Variants in UBXN2B observed in about 807,000 individuals in gnomAD.
UBXN2B encodes UBX domain-containing protein 2B.
A neutral mutation model predicts 37.5 loss-of-function variants in UBXN2B; 19 were observed. The observed-to-expected ratio is 0.51, with a 90% CI of 0.35 to 0.74. The LOEUF is 0.74. Among genes scored for constraint, UBXN2B ranks in the 30% least tolerant of loss-of-function variants. UBXN2B has a pLI of 0.01. For missense variants in UBXN2B, 370 were observed against 393.2 expected (o/e 0.94, Z 0.50); for synonymous variants, 145 against 143.8 (o/e 1.01, Z -0.06).
intron 5 of UBXN2B, among the ~76,000 whole-genome samples, chr8:58,437,116 C>CAA (rs1808431341): frequency 6.6e-6 from 1 of 151,984 alleles, no homozygotes. Context: ...TGGTTGTGAC[C>CAA]AAAGTATTGA....
chr8:58,444,891 G>T (rs139662221), intron 6 of UBXN2B, among the ~76,000 whole-genome samples: 7 of 152,302 alleles, frequency 4.6e-5, no homozygotes, highest in African/African-American at 1.7e-4. Context: ...TACTCTGAGA[G>T]AGAAGCTTTT....
intron 2 of UBXN2B, among the ~76,000 whole-genome samples, chr8:58,421,617 C>T (rs1003584982): frequency 3.3e-5 from 5 of 152,212 alleles, no homozygotes; most frequent in African/African-American, 4.8e-5. Context: ...GGCTCTCTCA[C>T]TTCCTCAGCA....
In UBXN2B at chr8:58,448,988, C is replaced by G. The variant is rs1271469650; in HGVS notation, c.*1437C>G. On this transcript the variant is annotated 3_prime_UTR_variant, in exon 8 of 8. Coordinates refer to ENST00000399598, the MANE Select transcript of UBXN2B (RefSeq NM_001077619.2). ...ACAGGAGAATCATTTCCTTGTCATT[C>G]CACCTTCTACAGGACATCCTCATTC... The G allele has an allele frequency of 1.3e-5, 2 of 152,158 alleles. No individual in the cohort carries two copies. Among genetic ancestry groups the G allele is most frequent in the Non-Finnish European group, 2.9e-5 (2 of 68,058 alleles). The allele number at this position is 152,158 out of a possible 1,614,324, so 9.4% of individuals were successfully genotyped here. A position where few individuals can be genotyped will look rare whatever the true frequency, so the allele number is the denominator to read the frequency against.
intron 2 of UBXN2B, chr8:58,426,785 C>T: frequency 1.6e-6 from 1 of 612,868 alleles, no homozygotes; most frequent in Non-Finnish European, 3.1e-6. Flanking sequence ...CGCTCGGGAC[C>T]AGATGCGGGG....
intron 6 of UBXN2B, among the ~76,000 whole-genome samples, chr8:58,440,451 A>G (rs1236599025): frequency 6.6e-6 from 1 of 152,238 alleles, no homozygotes; most frequent in Admixed American, 6.5e-5. Context: ...GAAAGAAGGC[A>G]TTGTATCTGA....
rs201070829 is a variant in UBXN2B at position 58,434,370 on chromosome 8, T to TA, written c.424-25_424-24insA. ...GTGAATATATATATATATATATATA[T>TA]TTTTTTTTTTTCTATACCCAAAAGG... is the stretch of plus-strand genomic sequence containing the variant. On this transcript the variant is annotated intron_variant, in intron 4 of 7. Transcript: ENST00000399598. 4.9e-3 allele frequency: 1,173 copies of TA among 240,444 alleles called. 5 individuals are homozygous for TA. The East Asian group carries it at 0.054, about 11-fold the overall frequency. 14.9% of individuals were successfully genotyped at this position (240,444 alleles called of 1,614,324 possible).
chr8:58,422,141 T>C (rs1239417320), intron 2 of UBXN2B, among the ~76,000 whole-genome samples: 7 of 152,258 alleles, frequency 4.6e-5, no homozygotes, highest in African/African-American at 1.4e-4. Flanking sequence ...TCTTTTTCTT[T>C]ACAAGTTTTA....
intron 2 of UBXN2B, chr8:58,424,939 A>C (rs1017301020): frequency 2.3e-6 from 1 of 429,658 alleles, no homozygotes; most frequent in Non-Finnish European, 4.2e-6. Flanking sequence ...CTCTCTGTTG[A>C]TGTCAGTCAG....
chr8:58,417,431 T>C (rs1170854393), intron 2 of UBXN2B, among the ~76,000 whole-genome samples: 1 of 152,216 alleles, frequency 6.6e-6, no homozygotes, highest in Non-Finnish European at 1.5e-5. Context: ...TTTAAGAATC[T>C]ATGATTTTTG....
chr8:58,416,704 C>A, intron 1 of UBXN2B, 146 bp from the exon 2 acceptor site: 2 of 534,606 alleles, frequency 3.7e-6, no homozygotes, highest in Non-Finnish European at 6.1e-6. Flanking sequence ...AAGTTTATTT[C>A]AGAAAGGAAT....
At chr8:58,425,052 C>G in intron 2 of UBXN2B, 1 of 782,914 alleles carries the variant, frequency 1.3e-6, no homozygotes, top group Non-Finnish European at 2.4e-6. Context: ...GGTGCACCTC[C>G]TCCAGGAAGT....
rs1310987313 is a variant in UBXN2B at position 58,433,219 on chromosome 8, C to A, written c.399C>A (p.Ile133=). ...CTTTTTGTAAGCGGTCTGAATATATCTATGGAGAAAATCAGCTGCAAGATG... is the reference window on the plus strand; with the variant it reads ...CTTTTTGTAAGCGGTCTGAATATATATATGGAGAAAATCAGCTGCAAGATG... ...GSSFCKRSEY[I]YGENQLQDVQ... Residue 133 remains isoleucine, a synonymous_variant, in exon 4 of 8, where the codon ATC becomes ATA. Coordinates refer to ENST00000399598, the MANE Select transcript of UBXN2B (RefSeq NM_001077619.2). The A allele has an allele frequency of 1.2e-6, 2 of 1,611,374 alleles. No homozygotes were observed. The highest frequency in any genetic ancestry group is 1.7e-6 in the Non-Finnish European group (2 of 1,178,672).
At chr8:58,424,144 A>G (rs1054109538) in intron 2 of UBXN2B, among the ~76,000 whole-genome samples, 1 of 151,512 alleles carries the variant, frequency 6.6e-6, no homozygotes, top group African/African-American at 2.4e-5. Flanking sequence ...CTTTTCTAAG[A>G]TGTTGTTACT....
intron 1 of UBXN2B, 121 bp downstream of exon 1, chr8:58,411,590 G>A (rs1807639227): frequency 1.2e-6 from 1 of 844,954 alleles, no homozygotes; most frequent in Non-Finnish European, 1.6e-6. Flanking sequence ...CCCGTCTGGG[G>A]ATAGAATCCG....
intron 2 of UBXN2B, chr8:58,424,671 G>A: frequency 8.3e-7 from 1 of 1,199,522 alleles, no homozygotes. Context: ...GCACAGCGTG[G>A]AGTTGGAGTA....
chr8:58,446,760 C>T (rs998158042), intron 7 of UBXN2B, among the ~76,000 whole-genome samples: 2 of 114,120 alleles, frequency 1.8e-5, no homozygotes, highest in African/African-American at 3.4e-5. Flanking sequence ...TTTTATACTC[C>T]GAAAAAAGTA....
At chr8:58,424,668 G>A (rs2033142) in intron 2 of UBXN2B, 22 of 1,238,918 alleles carry the variant, frequency 1.8e-5, no homozygotes, top group South Asian at 1.1e-4. Context: ...TCTGCACAGC[G>A]TGGAGTTGGA....
intron 5 of UBXN2B, among the ~76,000 whole-genome samples, chr8:58,438,993 G>A (rs1307487682): frequency 1.3e-5 from 2 of 152,114 alleles, no homozygotes; most frequent in Non-Finnish European, 2.9e-5. Flanking sequence ...TCACTCAAGA[G>A]CTGGTTGTTT....
intron 5 of UBXN2B, chr8:58,434,990 T>G: frequency 5.2e-6 from 8 of 1,531,524 alleles, no homozygotes; most frequent in Non-Finnish European, 7.0e-6. Flanking sequence ...ACTCAGATAT[T>G]CAGTGCTCTC....
Sources: gnomAD v4.1 joint callset for allele counts (sites outside exome capture counted in the v4.1 genomes callset) on GRCh38, gnomAD v4.1.1 for gene constraint, MANE v1.5 for transcripts, NCBI Gene and HGNC (gene_info 2026-07-23, HGNC 2026-07-21) for gene names.